The following CDH8 variants were observed in gnomAD, a reference collection of about 807,000 sequenced individuals.
CDH8 encodes the protein cadherin-8.
A neutral mutation model predicts 68.1 loss-of-function variants in CDH8; 17 were observed. That is an observed-to-expected ratio of 0.25 (90% CI 0.17 to 0.37). CDH8 has a LOEUF of 0.37. Among genes scored for constraint, CDH8 ranks in the 10% least tolerant of loss-of-function variants. The pLI is 1.00. For synonymous variants in CDH8, 372 were observed against 365.1 expected, an observed-to-expected ratio of 1.02 and a Z score of -0.21; for missense variants, 763 against 999.3, an observed-to-expected ratio of 0.76 and a Z score of 3.19.
At chr16:61,735,901 C>T (rs1441823698) in intron 8 of CDH8, among the ~76,000 whole-genome samples, 1 of 151,776 alleles carries the variant, frequency 6.6e-6, no homozygotes, top group Non-Finnish European at 1.5e-5. Context: ...AGTAAAACCC[C>T]GTCTCTACTA....
intron 8 of CDH8, among the ~76,000 whole-genome samples, chr16:61,787,310 C>T (rs1596967467): frequency 6.8e-6 from 1 of 146,812 alleles, no homozygotes; most frequent in Non-Finnish European, 1.5e-5. Flanking sequence ...CAAAAGAAGA[C>T]ATTTATGCAG....
intron 10 of CDH8, among the ~76,000 whole-genome samples, chr16:61,674,544 G>A (rs1963860977): frequency 6.6e-6 from 1 of 151,224 alleles, no homozygotes; most frequent in Non-Finnish European, 1.5e-5. Flanking sequence ...AAGAACTATA[G>A]TGAAATCCAG....
At chr16:61,898,625 G>A (rs1048791958) in intron 3 of CDH8, among the ~76,000 whole-genome samples, 3 of 152,122 alleles carry the variant, frequency 2.0e-5, no homozygotes, top group Non-Finnish European at 4.4e-5. Context: ...ACACTATTTG[G>A]AAAATTACTG....
At chr16:62,002,411 G>A (rs2150597626) in intron 2 of CDH8, among the ~76,000 whole-genome samples, 1 of 152,210 alleles carries the variant, frequency 6.6e-6, no homozygotes, top group East Asian at 1.9e-4. Context: ...GACCTTAGAG[G>A]AACTATACGA....
intron 4 of CDH8, among the ~76,000 whole-genome samples, chr16:61,832,998 T>C (rs1962493513): frequency 6.6e-6 from 1 of 151,684 alleles, no homozygotes; most frequent in Non-Finnish European, 1.5e-5. Context: ...GAATGGGTTC[T>C]GGAGTTAGCT....
At chr16:61,747,099 TTACATTTATACATTA>T (rs1333772049) in intron 8 of CDH8, among the ~76,000 whole-genome samples, 1 of 152,112 alleles carries the variant, frequency 6.6e-6, no homozygotes, top group East Asian at 1.9e-4. Context: ...TAGATCACAG[TTACATTTATACATTA>T]CTACTTCCTC....
intron 10 of CDH8, chr16:61,711,659 G>C (rs1017790991): frequency 1.3e-5 from 2 of 151,710 alleles, no homozygotes; most frequent in Admixed American, 1.3e-4. Flanking sequence ...GATCTAGGAA[G>C]AGGAACATAG....
intron 1 of CDH8, among the ~76,000 whole-genome samples, chr16:62,032,420 G>T (rs1356471444): frequency 6.6e-6 from 1 of 152,262 alleles, no homozygotes; most frequent in East Asian, 1.9e-4. Flanking sequence ...CCCACCCTGA[G>T]AAGTGTATAA....
intron 2 of CDH8, among the ~76,000 whole-genome samples, chr16:61,923,778 G>A (rs1306188083): frequency 6.8e-6 from 1 of 146,130 alleles, no homozygotes; most frequent in Non-Finnish European, 1.5e-5. Context: ...ATAAATATAT[G>A]TGATGTATAT....
intron 2 of CDH8, among the ~76,000 whole-genome samples, chr16:61,978,920 G>C (rs1965486186): frequency 6.6e-6 from 1 of 151,972 alleles, no homozygotes; most frequent in South Asian, 2.1e-4. Context: ...TTTAATCCCT[G>C]TTTGAGTCTG....
Position 61,873,470 on chromosome 16 carries a change from ATAATTAACATTAC to A in CDH8, c.548-16245_548-16233del, listed in dbSNP as rs148168631. 2.8e-4 allele frequency among the ~76,000 whole-genome samples: 43 copies of A among 152,324 alleles called. 1 individual carries two copies. In the East Asian group the frequency reaches 7.9e-3, roughly 28 times the overall value. On this transcript the variant is annotated intron_variant, in intron 3 of 11. Coordinates refer to ENST00000577390, the MANE Select transcript of CDH8 (RefSeq NM_001796.5). ...ATGGAATAATACACATCAACTTGTA[ATAATTAACATTAC>A]TAATTAACTAGTAATTAAATAGTTA...
At chr16:61,828,735 T>C (rs1249704302) in intron 4 of CDH8, among the ~76,000 whole-genome samples, 1 of 151,862 alleles carries the variant, frequency 6.6e-6, no homozygotes, top group Non-Finnish European at 1.5e-5. Flanking sequence ...ATAATTGAAA[T>C]CAAGCAAGTT....
intron 2 of CDH8, among the ~76,000 whole-genome samples, chr16:61,991,304 GCT>G (rs1597112554): frequency 6.6e-6 from 1 of 152,262 alleles, no homozygotes; most frequent in South Asian, 2.1e-4. Context: ...ACTTTTGTGT[GCT>G]CTGTCTGTAC....
At chr16:61,760,380 C>T (rs563987087) in intron 8 of CDH8, among the ~76,000 whole-genome samples, 14 of 151,812 alleles carry the variant, frequency 9.2e-5, no homozygotes, top group African/African-American at 2.9e-4. Flanking sequence ...GGCGCAATCT[C>T]GGGTCACTGC....
chr16:61,701,206 C>A, intron 10 of CDH8, among the ~76,000 whole-genome samples: 1 of 152,118 alleles, frequency 6.6e-6, no homozygotes, highest in East Asian at 1.9e-4. Flanking sequence ...GTTCTAATGT[C>A]CCAATTGAAG....
At chr16:61,770,198 A>C (rs985829144) in intron 8 of CDH8, among the ~76,000 whole-genome samples, 4 of 151,940 alleles carry the variant, frequency 2.6e-5, no homozygotes, top group African/African-American at 9.7e-5. Flanking sequence ...ATGTAAGTAC[A>C]CAGAGACCAG....
rs1386777512 is a variant in CDH8 at position 61,649,467 on chromosome 16, C to A, written c.*4141G>T. On this transcript the variant is annotated 3_prime_UTR_variant, in exon 12 of 12. Coordinates refer to ENST00000577390, the MANE Select transcript of CDH8 (RefSeq NM_001796.5). ...ATATATGTATAAGGATATATATATT[C>A]TTTTTAATGTTGATATTCATGTTTA... The A allele has an allele frequency of 7.9e-5, 12 of 151,166 alleles. No homozygotes were observed. The East Asian group carries it at 1.9e-3, about 24-fold the overall frequency. The allele number at this position is 151,166 out of a possible 1,614,324, so 9.4% of individuals were successfully genotyped here. A position where few individuals can be genotyped will look rare whatever the true frequency, so the allele number is the denominator to read the frequency against.
Position 62,021,608 on chromosome 16 carries a change from A to C in CDH8, c.-199-6T>G, listed in dbSNP as rs1402823341. The C allele has an allele frequency of 1.5e-6, 2 of 1,338,936 alleles. No homozygotes were observed. Among genetic ancestry groups the C allele is most frequent in the African/African-American group, 3.0e-5 (2 of 67,526 alleles). The allele number at this position is 1,338,936 out of a possible 1,614,324, so 82.9% of individuals were successfully genotyped here. ...TTTCTTTTCATTGAAATTTCCTGCA[A>C]AAACAAGGAGGAAGAAAGATAAGGG... On this transcript the variant is annotated splice_region_variant and splice_polypyrimidine_tract_variant and intron_variant, in intron 1 of 11. Transcript: ENST00000577390.
chr16:61,676,142 A>G (rs1270069091), intron 10 of CDH8, among the ~76,000 whole-genome samples: 1 of 120,900 alleles, frequency 8.3e-6, no homozygotes, highest in South Asian at 2.4e-4. Context: ...CTACACACAC[A>G]CTCAAAAAAA....
Sources: allele counts gnomAD v4.1 joint callset (sites outside exome capture counted in the v4.1 genomes callset), GRCh38; gene constraint gnomAD v4.1.1; transcripts MANE v1.5; gene names NCBI Gene and HGNC (gene_info 2026-07-23, HGNC 2026-07-21).